The following TNS3 variants were observed in gnomAD, a reference collection of about 807,000 sequenced individuals.
The protein encoded by TNS3 is tensin 3.
A neutral mutation model predicts 140.9 loss-of-function variants in TNS3; 45 were observed. The observed-to-expected ratio is 0.32, with a 90% CI of 0.25 to 0.41. TNS3 has a LOEUF of 0.41. TNS3 is among the 10% of genes least tolerant of loss of function. The probability of loss-of-function intolerance (pLI) is 1.00; values close to 1 mark genes in which losing one functional copy is unlikely to be tolerated. For synonymous variants in TNS3, 815 were observed against 788.4 expected (o/e 1.03, Z -0.56); for missense variants, 1,716 against 1,906.7 (o/e 0.90, Z 1.86).
At chr7:47,443,225 A>C (rs1434511997) in intron 4 of TNS3, among the ~76,000 whole-genome samples, 1 of 152,206 alleles carries the variant, frequency 6.6e-6, no homozygotes, top group African/African-American at 2.4e-5. Context: ...AGTAACAGAC[A>C]GGGCCAGTCT....
At chr7:47,454,709 C>T (rs10267582) in intron 4 of TNS3, among the ~76,000 whole-genome samples, 2,438 of 152,272 alleles carry the variant, frequency 0.016, 70 homozygotes, top group African/African-American at 0.055. Context: ...AGAGAGCCAG[C>T]TCTCTCAAAG....
In TNS3 at chr7:47,369,409, T is replaced by C. The variant is rs933244411; in HGVS notation, c.1237A>G (p.Thr413Ala). Residue 413 changes from threonine to alanine, a missense_variant, in exon 17 of 31, where the codon ACC becomes GCC. This residue lies in a region of TNS3 where 1,163 missense variants were observed against 1,182.1 expected (regional missense o/e 0.98). Transcript: ENST00000311160. ...DKTEERLAPG[T>A]RRGLSAQEKA... Reference sequence around the variant, plus strand: ...TCCTGGGCACTCAGGCCCCTCCTGGTTCCTGGGGCCAGGCGCTCTTCCGTC... The same window carrying C: ...TCCTGGGCACTCAGGCCCCTCCTGGCTCCTGGGGCCAGGCGCTCTTCCGTC... The C allele has an allele frequency of 3.7e-6, 6 of 1,613,858 alleles. No individual in the cohort carries two copies. The African/African-American group carries it at 6.7e-5, about 18-fold the overall frequency.
chr7:47,566,865 C>T (rs1225670013), intron 1 of TNS3, among the ~76,000 whole-genome samples: 2 of 151,934 alleles, frequency 1.3e-5, no homozygotes. Flanking sequence ...CATGGTGAAA[C>T]CCCGTCTCTA....
chr7:47,517,597 G>A (rs373017454), intron 2 of TNS3, among the ~76,000 whole-genome samples: 12 of 152,174 alleles, frequency 7.9e-5, no homozygotes, highest in African/African-American at 2.4e-4. Context: ...GAAACATTTT[G>A]TAAGCCTATA....
chr7:47,278,336 T>C, intron 30 of TNS3, 116 bp from the exon 31 acceptor site: 1 of 1,247,540 alleles, frequency 8.0e-7, no homozygotes, highest in Non-Finnish European at 1.1e-6. Flanking sequence ...CTATCAAAAA[T>C]CAACCACGTG....
At chr7:47,302,637 G>C (rs1465464313) in intron 22 of TNS3, among the ~76,000 whole-genome samples, 1 of 152,172 alleles carries the variant, frequency 6.6e-6, no homozygotes, top group African/African-American at 2.4e-5. Context: ...ATTTGACAAG[G>C]AATTTGTTAT....
At chr7:47,560,640 G>A (rs1800302740) in intron 1 of TNS3, among the ~76,000 whole-genome samples, 1 of 152,154 alleles carries the variant, frequency 6.6e-6, no homozygotes, top group South Asian at 2.1e-4. Context: ...CTCGAACTGG[G>A]ATCCCAGCAC....
intron 1 of TNS3, among the ~76,000 whole-genome samples, chr7:47,557,525 A>G (rs1800226627): frequency 6.6e-6 from 1 of 152,206 alleles, no homozygotes; most frequent in Non-Finnish European, 1.5e-5. Context: ...ACACATACAG[A>G]AATCTATCTT....
At chr7:47,371,640 C>T (rs544850383) in intron 16 of TNS3, among the ~76,000 whole-genome samples, 28 of 152,126 alleles carry the variant, frequency 1.8e-4, no homozygotes, top group African/African-American at 5.6e-4. Flanking sequence ...AAACCTATTT[C>T]GCCCAGCTCT....
At chr7:47,355,390 G>A (rs1256687242) in intron 17 of TNS3, among the ~76,000 whole-genome samples, 2 of 152,186 alleles carry the variant, frequency 1.3e-5, no homozygotes, top group Non-Finnish European at 2.9e-5. Context: ...GTGCTCTGAG[G>A]AAAGAGCAGG....
At chr7:47,448,284 C>T (rs1398460004) in intron 4 of TNS3, among the ~76,000 whole-genome samples, 1 of 152,212 alleles carries the variant, frequency 6.6e-6, no homozygotes, top group African/African-American at 2.4e-5. Context: ...AGGCCCCATT[C>T]CCTCTGCAAC....
chr7:47,338,183 A>G (rs567033845), intron 20 of TNS3, among the ~76,000 whole-genome samples: 1 of 152,360 alleles, frequency 6.6e-6, no homozygotes, highest in South Asian at 2.1e-4. Flanking sequence ...TGTGAACATA[A>G]GTCTATTTCT....
intron 4 of TNS3, among the ~76,000 whole-genome samples, chr7:47,466,544 C>CCTGCA (rs2151718351): frequency 6.6e-6 from 1 of 152,266 alleles, no homozygotes; most frequent in Admixed American, 6.5e-5. Context: ...TTCGCTGAGC[C>CCTGCA]CTGCAGTATG....
intron 19 of TNS3, 32 bp from the exon 20 acceptor site, chr7:47,344,870 T>A (rs1353237199): frequency 3.7e-6 from 6 of 1,613,544 alleles, no homozygotes; most frequent in Non-Finnish European, 5.1e-6. Context: ...GGGGCTGTTG[T>A]CACCCTCCTT....
chr7:47,453,857 C>T (rs558464819), intron 4 of TNS3, among the ~76,000 whole-genome samples: 3 of 152,316 alleles, frequency 2.0e-5, no homozygotes, highest in East Asian at 1.9e-4. Flanking sequence ...GTGGCCAGCC[C>T]GGGCCACATC....
intron 30 of TNS3, 113 bp downstream of exon 30, chr7:47,280,051 C>G: frequency 8.1e-7 from 1 of 1,241,758 alleles, no homozygotes; most frequent in Non-Finnish European, 1.1e-6. Flanking sequence ...AAGAAATTGG[C>G]ATGGTGTAGT....
chr7:47,568,968 G>A (rs9655055), intron 1 of TNS3, among the ~76,000 whole-genome samples: 60,690 of 152,122 alleles, frequency 0.4, 12,460 homozygotes, highest in East Asian at 0.54. Context: ...TATTCACAGC[G>A]TGGCTGCCAT....
At chr7:47,307,830 T>C (rs1786848136) in intron 20 of TNS3, among the ~76,000 whole-genome samples, 1 of 152,258 alleles carries the variant, frequency 6.6e-6, no homozygotes, top group Non-Finnish European at 1.5e-5. Flanking sequence ...TAAGAGTTCT[T>C]TATATATTTT....
intron 1 of TNS3, among the ~76,000 whole-genome samples, chr7:47,535,342 TAA>T (rs772562466): frequency 6.6e-6 from 1 of 152,346 alleles, no homozygotes; most frequent in East Asian, 1.9e-4. Flanking sequence ...CTAGAAAACT[TAA>T]AGAGGGAAAC....
Sources: allele counts gnomAD v4.1 joint callset (sites outside exome capture counted in the v4.1 genomes callset), GRCh38; gene constraint gnomAD v4.1.1; regional missense constraint gnomAD v4.1.1; transcripts MANE v1.5; gene names NCBI Gene and HGNC (gene_info 2026-07-23, HGNC 2026-07-21).